ARID4B: variants seen among roughly 807,000 people sequenced by gnomAD.
The protein encoded by ARID4B is AT-rich interaction domain 4B, also known as AT-rich interactive domain-containing protein 4B.
A neutral mutation model predicts 147.5 loss-of-function variants in ARID4B; 26 were observed. The observed-to-expected ratio is 0.18, with a 90% confidence interval of 0.13 to 0.24. The LOEUF (loss-of-function observed/expected upper bound fraction) is 0.24, where lower values mean the gene tolerates loss of function less well. Ranked by LOEUF, ARID4B falls within the 10% of genes least tolerant of loss-of-function variation. ARID4B has a pLI of 1.00. For synonymous variants in ARID4B, 512 were observed against 507.9 expected (o/e 1.01, Z -0.11); for missense variants, 1,179 against 1,511.5 (o/e 0.78, Z 3.65).
intron 2 of ARID4B, among the ~76,000 whole-genome samples, chr1:235,294,725 G>C (rs1047252797): frequency 6.6e-6 from 1 of 151,336 alleles, no homozygotes; most frequent in Admixed American, 6.6e-5. Flanking sequence ...TGTTGGCCAG[G>C]CTGGTCTTGA....
chr1:235,242,913 C>T (rs1669081553), intron 7 of ARID4B, among the ~76,000 whole-genome samples: 1 of 152,078 alleles, frequency 6.6e-6, no homozygotes, highest in African/African-American at 2.4e-5. Context: ...TGCCCATCTA[C>T]CTCTTTTCAT....
At chr1:235,191,104 T>C (rs553582288) in intron 19 of ARID4B, among the ~76,000 whole-genome samples, 24 of 152,320 alleles carry the variant, frequency 1.6e-4, no homozygotes, top group Non-Finnish European at 2.4e-4. Flanking sequence ...GACATCATTT[T>C]ATCCAGCAGA....
At chr1:235,299,440 C>G (rs1273482380) in intron 2 of ARID4B, among the ~76,000 whole-genome samples, 1 of 152,190 alleles carries the variant, frequency 6.6e-6, no homozygotes, top group Non-Finnish European at 1.5e-5. Context: ...ATCCACCCAC[C>G]TCTGCCTCCC....
At chr1:235,270,973 T>C (rs1168456602) in intron 2 of ARID4B, among the ~76,000 whole-genome samples, 1 of 152,160 alleles carries the variant, frequency 6.6e-6, no homozygotes, top group Non-Finnish European at 1.5e-5. Context: ...CTGGCATGGA[T>C]TAGAAGGCAA....
At chr1:235,216,817 T>C (rs1374022130) in intron 16 of ARID4B, among the ~76,000 whole-genome samples, 2 of 152,106 alleles carry the variant, frequency 1.3e-5, no homozygotes, top group Non-Finnish European at 2.9e-5. Context: ...GAAAGAATAC[T>C]TGCCTAAGTC....
rs1667719481 is a variant in ARID4B, at chr1:235,224,790, A to C, written c.898-15T>G. 1.3e-6 allele frequency: 2 copies of C among 1,521,458 alleles called. No individual in the cohort carries two copies. Among genetic ancestry groups the C allele is most frequent in the Non-Finnish European group, 1.8e-6 (2 of 1,106,204 alleles). 94.2% of individuals were successfully genotyped at this position (1,521,458 alleles called of 1,614,324 possible). A position where few individuals can be genotyped will look rare whatever the true frequency, so the allele number is the denominator to read the frequency against. On this transcript the variant is annotated splice_polypyrimidine_tract_variant and intron_variant, in intron 11 of 23. Transcript: ENST00000264183. ...TCTATTTCTTCCTAATTTTAATCAC[A>C]GAAGAATATTATTTTCTTCAATTAA...
chr1:235,221,128 C>A (rs1165190384), intron 14 of ARID4B, among the ~76,000 whole-genome samples: 1 of 152,172 alleles, frequency 6.6e-6, no homozygotes, highest in East Asian at 1.9e-4. Flanking sequence ...GAACTCCTGA[C>A]CTCAAGTGAT....
intron 2 of ARID4B, among the ~76,000 whole-genome samples, chr1:235,319,614 G>A (rs532225944): frequency 6.6e-6 from 1 of 152,128 alleles, no homozygotes; most frequent in South Asian, 2.1e-4. Context: ...AATGTTCACT[G>A]CTCACTGAGA....
chr1:235,224,764 T>C lies in ARID4B; in HGVS notation c.909A>G (p.Glu303=). ...AGTTCTCCCTTTCTTCTGGAAATGG[T>C]TCTATTTCTTCCTAATTTTAATCAC... The part of the protein sequence containing the change: ...DNSSEEEEEI[E]PFPEERENFL... Residue 303 remains glutamate (E), a synonymous_variant, in exon 12 of 24, where the codon GAA becomes GAG. Transcript: ENST00000264183. The C allele has an allele frequency of 6.3e-7, 1 of 1,589,632 alleles. No individual in the cohort carries two copies. Among genetic ancestry groups the C allele is most frequent in the South Asian group, 1.1e-5 (1 of 88,516 alleles).
chr1:235,271,905 C>T (rs1370467908), intron 2 of ARID4B, among the ~76,000 whole-genome samples: 4 of 151,690 alleles, frequency 2.6e-5, no homozygotes, highest in Non-Finnish European at 5.9e-5. Flanking sequence ...GCCGAGATCA[C>T]GCCACTGCAC....
At chr1:235,322,692 T>C (rs557455301) in intron 2 of ARID4B, among the ~76,000 whole-genome samples, 2 of 152,346 alleles carry the variant, frequency 1.3e-5, no homozygotes, top group African/African-American at 4.8e-5. Context: ...TGCTACACTG[T>C]GGGCTCCCTG....
At chr1:235,264,224 A>G (rs1670460463) in intron 2 of ARID4B, among the ~76,000 whole-genome samples, 1 of 152,222 alleles carries the variant, frequency 6.6e-6, no homozygotes, top group Non-Finnish European at 1.5e-5. Context: ...ATAATTGTTT[A>G]GCAAGCCTAT....
Position 235,176,437 on chromosome 1 carries a change from C to CAAAAAAA in ARID4B, c.3449-1045_3449-1039dup, listed in dbSNP as rs34808765. On this transcript the variant is annotated intron_variant, in intron 21 of 23. Transcript: ENST00000264183. ...CTGATTTTTCACTTAACAACATCAC[C>CAAAAAAA]AAAAAAAAAAAAAAAAAAAAAAAAA... 1.5e-3 allele frequency among the ~76,000 whole-genome samples: 33 copies of CAAAAAAA among 22,528 alleles called. 1 individual carries two copies. The highest frequency in any genetic ancestry group is 2.3e-3 in the African/African-American group (23 of 10,070). The allele number at this position is 22,528 out of a possible 152,430, so 14.8% of individuals were successfully genotyped here. A position where few individuals can be genotyped will look rare whatever the true frequency, so the allele number is the denominator to read the frequency against.
chr1:235,221,594 T>C lies in ARID4B; in HGVS notation c.1134A>G (p.Ala378=). ...TATAAGCACATTTAACATTGTATCC[T>C]GCAGCTGAATTTAAGACAGGGATTC... ...DLGIPVLNSA[A]GYNVKCAYKK... is the part of the protein sequence containing the mutation. The change falls in exon 14 of 24, where the codon GCA becomes GCG. Residue 378 remains alanine (A), a synonymous_variant. Transcript: ENST00000264183. 1 of 1,610,016 alleles carries C rather than the reference T, an allele frequency of 6.2e-7. No homozygotes were observed. The highest frequency in any genetic ancestry group is 8.5e-7 in the Non-Finnish European group (1 of 1,177,086).
Position 235,269,832 on chromosome 1 carries a change from T to C in ARID4B, c.7-9080A>G, listed in dbSNP as rs534605945. ...AATTTGGAATTATTTGAAAATAAAT[T>C]ATTTTGTAAAGTAATATATATTTAT... On this transcript the variant is annotated intron_variant, in intron 2 of 23. Transcript: ENST00000264183. Among the ~76,000 whole-genome samples the C allele has an allele frequency of 1.3e-3, 193 of 152,322 alleles. 1 individual carries two copies. Among genetic ancestry groups the C allele is most frequent in the African/African-American group, 4.5e-3 (189 of 41,574 alleles).
At chr1:235,253,773 G>A (rs1021726465) in intron 5 of ARID4B, among the ~76,000 whole-genome samples, 2 of 152,070 alleles carry the variant, frequency 1.3e-5, no homozygotes, top group Non-Finnish European at 2.9e-5. Context: ...TAGAAATCAT[G>A]GGAAGACAGT....
At chr1:235,230,144 T>C (rs567253450) in intron 10 of ARID4B, among the ~76,000 whole-genome samples, 30 of 151,988 alleles carry the variant, frequency 2.0e-4, no homozygotes, top group African/African-American at 7.0e-4. Context: ...CAGTCAGGCG[T>C]GATGGCTTAT....
intron 9 of ARID4B, among the ~76,000 whole-genome samples, chr1:235,232,684 C>A (rs1668315379): frequency 6.6e-6 from 1 of 152,090 alleles, no homozygotes; most frequent in South Asian, 2.1e-4. Context: ...ACATTTTATT[C>A]ATCTTACCAA....
chr1:235,313,036 C>T (rs1021541425), intron 2 of ARID4B, among the ~76,000 whole-genome samples: 5 of 152,056 alleles, frequency 3.3e-5, no homozygotes, highest in Admixed American at 3.3e-4. Context: ...CAAGATAAAA[C>T]TGAAAATGTG....
Sources: allele counts gnomAD v4.1 joint callset (sites outside exome capture counted in the v4.1 genomes callset), GRCh38; gene constraint gnomAD v4.1.1; transcripts MANE v1.5; gene names NCBI Gene and HGNC (gene_info 2026-07-23, HGNC 2026-07-21).